RAB38: variants seen among roughly 807,000 people sequenced by gnomAD.
RAB38 encodes RAB38, member RAS oncogene family.
RAB38 carries 15 observed loss-of-function variants against 18.4 expected under a neutral mutation model. The ratio of observed to expected loss-of-function variants is 0.82; its 90% CI spans 0.55 to 1.26. The LOEUF is 1.26. Ranked by LOEUF, RAB38 falls within the 50% of genes most tolerant of loss-of-function variation. The pLI, the probability that RAB38 is intolerant of heterozygous loss-of-function variation, is 0.00. For synonymous variants in RAB38, 101 were observed against 104.4 expected, an observed-to-expected ratio of 0.97 and a Z score of 0.20; for missense variants, 294 against 267.4, an observed-to-expected ratio of 1.10 and a Z score of -0.69.
chr11:88,040,323 T>C, the RAB38 span, among the ~76,000 whole-genome samples: 1 of 152,170 alleles, frequency 6.6e-6, no homozygotes, highest in Admixed American at 6.5e-5. Context: ...CCTCTGCAGA[T>C]ATCTGTGTCC....
At chr11:87,977,597 G>A in the RAB38 span, among the ~76,000 whole-genome samples, 18 of 114,392 alleles carry the variant, frequency 1.6e-4, no homozygotes, top group African/African-American at 4.2e-4. Flanking sequence ...TAATAATTAT[G>A]TACTATACAA....
At chr11:88,158,054 G>C (rs1943146889) in intron 1 of RAB38, among the ~76,000 whole-genome samples, 1 of 152,000 alleles carries the variant, frequency 6.6e-6, no homozygotes, top group Non-Finnish European at 1.5e-5. Context: ...AAGAAAAAAA[G>C]GGAGAAGATC....
the RAB38 span, among the ~76,000 whole-genome samples, chr11:87,977,191 A>AT: frequency 1.8e-4 from 18 of 100,728 alleles, 7 homozygotes; most frequent in African/African-American, 5.6e-4. Context: ...TATAAAATAT[A>AT]ATTATATTAT....
chr11:88,043,534 C>T, the RAB38 span, among the ~76,000 whole-genome samples: 70 of 152,062 alleles, frequency 4.6e-4, 1 homozygote, highest in African/African-American at 1.7e-3. Context: ...TAACTGAGGA[C>T]ATTACCTTGT....
chr11:88,115,129 T>C (rs777824760), intron 2 of RAB38, among the ~76,000 whole-genome samples: 4 of 152,202 alleles, frequency 2.6e-5, no homozygotes, highest in Non-Finnish European at 5.9e-5. Context: ...GAAAATATAC[T>C]ACCAGTGTAC....
the RAB38 span, among the ~76,000 whole-genome samples, chr11:87,954,858 A>G: frequency 2.0e-5 from 3 of 152,210 alleles, no homozygotes; most frequent in Non-Finnish European, 2.9e-5. Flanking sequence ...GAAAAGCATT[A>G]TCCCGTGTTT....
chr11:88,158,662 A>G (rs1943154024), intron 1 of RAB38, among the ~76,000 whole-genome samples: 1 of 152,176 alleles, frequency 6.6e-6, no homozygotes, highest in Non-Finnish European at 1.5e-5. Flanking sequence ...ATTAAAAACA[A>G]AAACCATATG....
chr11:87,977,296 C>A, the RAB38 span, among the ~76,000 whole-genome samples: 22 of 129,506 alleles, frequency 1.7e-4, no homozygotes, highest in South Asian at 5.3e-3. Context: ...TTATATTATA[C>A]AAGTATATTA....
the RAB38 span, among the ~76,000 whole-genome samples, chr11:87,913,510 A>G: frequency 6.6e-6 from 1 of 152,158 alleles, no homozygotes; most frequent in Admixed American, 6.5e-5. Flanking sequence ...ATATGAATAT[A>G]GTCATTCTAG....
At chr11:88,139,143 A>T (rs917466688) in intron 2 of RAB38, among the ~76,000 whole-genome samples, 3 of 152,126 alleles carry the variant, frequency 2.0e-5, no homozygotes, top group African/African-American at 7.2e-5. Context: ...GATGACTGAT[A>T]ATGATAGGTA....
the RAB38 span, among the ~76,000 whole-genome samples, chr11:88,030,196 A>G: frequency 0.017 from 2,590 of 152,320 alleles, 72 homozygotes; most frequent in African/African-American, 0.06. Context: ...AAAAGACACA[A>G]TGTACCAAAA....
At chr11:88,153,432 G>C (rs1285568073) in intron 1 of RAB38, among the ~76,000 whole-genome samples, 1 of 152,180 alleles carries the variant, frequency 6.6e-6, no homozygotes, top group Non-Finnish European at 1.5e-5. Flanking sequence ...AGAGGCTCCA[G>C]TATCCAACTA....
the RAB38 span, among the ~76,000 whole-genome samples, chr11:87,804,343 T>C: frequency 6.6e-6 from 1 of 152,192 alleles, no homozygotes; most frequent in Non-Finnish European, 1.5e-5. Flanking sequence ...CATTGTCCTC[T>C]GTTCTCTGTG....
At chr11:88,100,319 T>A in the RAB38 span, among the ~76,000 whole-genome samples, 3 of 151,896 alleles carry the variant, frequency 2.0e-5, no homozygotes, top group African/African-American at 7.2e-5. Context: ...TCGAAAACAT[T>A]TGTGGAATGG....
intron 2 of RAB38, among the ~76,000 whole-genome samples, chr11:88,125,446 C>T (rs1028356707): frequency 2.6e-5 from 4 of 152,130 alleles, no homozygotes; most frequent in African/African-American, 9.7e-5. Context: ...GATTGACATT[C>T]TCCTTTGAAT....
At chr11:87,912,861 G>A in the RAB38 span, among the ~76,000 whole-genome samples, 1 of 139,144 alleles carries the variant, frequency 7.2e-6, no homozygotes. Context: ...GCTACTTTAG[G>A]CACATCTCTT....
the RAB38 span, among the ~76,000 whole-genome samples, chr11:88,026,500 T>A: frequency 7.1e-6 from 1 of 141,180 alleles, no homozygotes. Context: ...GAGGCGGAGG[T>A]TGCAGTGAGC....
the RAB38 span, among the ~76,000 whole-genome samples, chr11:88,091,537 G>T: frequency 6.6e-6 from 1 of 151,910 alleles, no homozygotes; most frequent in Non-Finnish European, 1.5e-5. Flanking sequence ...ACCACCTCTT[G>T]CTGTCTTGCC....
chr11:88,053,791 C>G, the RAB38 span, among the ~76,000 whole-genome samples: 1 of 139,466 alleles, frequency 7.2e-6, no homozygotes. Context: ...AGGACTTAAG[C>G]TTTTTTTTTT....
Sources: allele counts gnomAD v4.1 joint callset (sites outside exome capture counted in the v4.1 genomes callset), GRCh38; gene constraint gnomAD v4.1.1; transcripts MANE v1.5; gene names NCBI Gene and HGNC (gene_info 2026-07-23, HGNC 2026-07-21).